Variants in FGFR2 observed in about 807,000 individuals in gnomAD.
The protein encoded by FGFR2 is BEK fibroblast growth factor receptor.
Under a neutral mutation model 95.9 loss-of-function variants are expected in FGFR2, and 19 were observed. That is an observed-to-expected ratio of 0.20 (90% confidence interval 0.14 to 0.29). FGFR2 has a LOEUF of 0.29. Ranked by LOEUF, FGFR2 falls within the 10% of genes least tolerant of loss-of-function variation. FGFR2 has a pLI of 1.00. For synonymous variants in FGFR2, 392 were observed against 393.3 expected, an observed-to-expected ratio of 1.00 and a Z score of 0.04; for missense variants, 707 against 1,056.9, an observed-to-expected ratio of 0.67 and a Z score of 4.59.
chr10:121,542,482 C>A, intron 5 of FGFR2, among the ~76,000 whole-genome samples: 1 of 152,160 alleles, frequency 6.6e-6, no homozygotes, highest in South Asian at 2.1e-4. Flanking sequence ...AACACAAAAG[C>A]CAGTGAGAGA....
At chr10:121,503,115 C>T (rs1436467889) in intron 10 of FGFR2, among the ~76,000 whole-genome samples, 1 of 152,232 alleles carries the variant, frequency 6.6e-6, no homozygotes, top group Non-Finnish European at 1.5e-5. Flanking sequence ...GTTGCCCAGC[C>T]ACTGTCTGGC....
At chr10:121,491,207 G>A (rs191867536) in intron 13 of FGFR2, among the ~76,000 whole-genome samples, 1 of 152,282 alleles carries the variant, frequency 6.6e-6, no homozygotes, top group Non-Finnish European at 1.5e-5. Context: ...AGTCTAGCGT[G>A]GCCATCCCTC....
intron 9 of FGFR2, among the ~76,000 whole-genome samples, chr10:121,505,325 G>T (rs1848128674): frequency 6.6e-6 from 1 of 152,196 alleles, no homozygotes; most frequent in African/African-American, 2.4e-5. Context: ...TTAAAATAAA[G>T]AAGTGGGCCA....
intron 13 of FGFR2, among the ~76,000 whole-genome samples, chr10:121,489,309 G>C (rs1425325503): frequency 1.3e-5 from 2 of 151,916 alleles, no homozygotes; most frequent in African/African-American, 4.8e-5. Context: ...CCTGACCTCA[G>C]GTGAGCCATC....
At chr10:121,481,007 T>A (rs1298786993) in intron 17 of FGFR2, among the ~76,000 whole-genome samples, 1 of 152,114 alleles carries the variant, frequency 6.6e-6, no homozygotes, top group African/African-American at 2.4e-5. Context: ...TCAGGATCCA[T>A]AAAATTTTAC....
intron 2 of FGFR2, among the ~76,000 whole-genome samples, chr10:121,574,726 CATCA>C (rs1002234672): frequency 3.9e-5 from 6 of 152,122 alleles, no homozygotes; most frequent in Non-Finnish European, 8.8e-5. Flanking sequence ...AAATTCCTCA[CATCA>C]AACAGAGACC....
chr10:121,557,633 A>G (rs1856339772), intron 4 of FGFR2, among the ~76,000 whole-genome samples: 1 of 152,178 alleles, frequency 6.6e-6, no homozygotes, highest in Non-Finnish European at 1.5e-5. Context: ...TGATGTTTTC[A>G]TTACAAAGGG....
chr10:121,578,528 A>T (rs1860302549), intron 2 of FGFR2, among the ~76,000 whole-genome samples: 1 of 152,264 alleles, frequency 6.6e-6, no homozygotes. Context: ...GAGGGACTGG[A>T]GTAGGGATCA....
Position 121,503,151 on chromosome 10 carries a change from A to G in FGFR2, c.1439+639T>C, listed in dbSNP as rs370552997. Among the ~76,000 whole-genome samples, 39 of 152,310 alleles carry G rather than the reference A, an allele frequency of 2.6e-4. No individual in the cohort carries two copies. In the East Asian group the frequency reaches 6.2e-3, roughly 24 times the overall value. On this transcript the variant is annotated intron_variant, in intron 10 of 17. Transcript: ENST00000358487. ...AAAGCCAGGATTCAAATGCAGCCCA[A>G]CGGAGCTCCAGTACGTGGAGTTCAA... is the stretch of plus-strand genomic sequence containing the variant.
intron 2 of FGFR2, 122 bp downstream of exon 2, chr10:121,593,587 G>C: frequency 1.2e-6 from 1 of 867,364 alleles, no homozygotes; most frequent in Non-Finnish European, 1.9e-6. Flanking sequence ...AAGAGACCAC[G>C]ATCTGGTGCT....
chr10:121,506,609 G>A (rs1390840246), intron 9 of FGFR2, among the ~76,000 whole-genome samples: 2 of 152,162 alleles, frequency 1.3e-5, no homozygotes, highest in African/African-American at 4.8e-5. Context: ...GCAGAGGCAT[G>A]GCTGGGCTTC....
At position 121,500,839 on chromosome 10, in the gene FGFR2, C is replaced by A. The variant is rs200522893; in HGVS notation, c.1548G>T (p.Val516=). 1.9e-6 allele frequency: 3 copies of A among 1,614,040 alleles called. No homozygotes were observed. The highest frequency in any genetic ancestry group is 2.5e-6 in the Non-Finnish European group (3 of 1,179,984). The change falls in exon 11 of 18, where the codon GTG becomes GTT. Residue 516 remains valine (V), a synonymous_variant. Coordinates refer to ENST00000358487, the MANE Select transcript of FGFR2 (RefSeq NM_000141.5). ...DKPKEAVTVA[V]KMLKDDATEK... Reference sequence around the variant, plus strand: ...CTCCCCGCTCACCTTTCAACATCTTCACGGCCACGGTGACCGCCTCCTTGG... The same window carrying A: ...CTCCCCGCTCACCTTTCAACATCTTAACGGCCACGGTGACCGCCTCCTTGG...
intron 2 of FGFR2, among the ~76,000 whole-genome samples, chr10:121,575,464 G>GA (rs1290159804): frequency 6.6e-6 from 1 of 152,176 alleles, no homozygotes; most frequent in African/African-American, 2.4e-5. Context: ...TTTCATGAGT[G>GA]AAAAATTCCT....
At chr10:121,540,400 C>T (rs1317120845) in intron 5 of FGFR2, among the ~76,000 whole-genome samples, 2 of 152,104 alleles carry the variant, frequency 1.3e-5, no homozygotes, top group Admixed American at 1.3e-4. Context: ...GCGCGTCTCC[C>T]CTTAAGAGAG....
At chr10:121,562,864 G>C (rs975110637) in intron 4 of FGFR2, among the ~76,000 whole-genome samples, 1 of 152,212 alleles carries the variant, frequency 6.6e-6, no homozygotes, top group Non-Finnish European at 1.5e-5. Flanking sequence ...AACAGGACAG[G>C]CTATGCATGT....
At position 121,584,008 on chromosome 10, in the gene FGFR2, A is replaced by G. The variant is rs555758563; in HGVS notation, c.109+9701T>C. On this transcript the variant is annotated intron_variant, in intron 2 of 17. Coordinates refer to ENST00000358487, the MANE Select transcript of FGFR2 (RefSeq NM_000141.5). ...TCCAACCATGACAGGCACTCAATAA[A>G]TGGTAGCCAGTTATCATCATCACCA... is the stretch of plus-strand genomic sequence containing the variant. Among the ~76,000 whole-genome samples the G allele has an allele frequency of 1.2e-3, 178 of 152,162 alleles. 1 individual carries two copies. The highest frequency in any genetic ancestry group is 4.0e-3 in the African/African-American group (168 of 41,482).
At chr10:121,536,446 T>C (rs1020016060) in intron 6 of FGFR2, among the ~76,000 whole-genome samples, 3 of 152,196 alleles carry the variant, frequency 2.0e-5, no homozygotes, top group African/African-American at 2.4e-5. Flanking sequence ...CTCCCAAATT[T>C]GTGACATAAT....
At chr10:121,543,907 G>A (rs1564959138) in intron 5 of FGFR2, among the ~76,000 whole-genome samples, 1 of 152,172 alleles carries the variant, frequency 6.6e-6, no homozygotes, top group Non-Finnish European at 1.5e-5. Flanking sequence ...TGCTCACAAA[G>A]GTGGCTGCGG....
chr10:121,558,603 G>A (rs1856508828), intron 4 of FGFR2, among the ~76,000 whole-genome samples: 1 of 148,280 alleles, frequency 6.7e-6, no homozygotes, highest in Admixed American at 6.7e-5. Context: ...AATAGATACA[G>A]TTTTTTGTTT....
Sources: gnomAD v4.1 joint callset for allele counts (sites outside exome capture counted in the v4.1 genomes callset) on GRCh38, gnomAD v4.1.1 for gene constraint, MANE v1.5 for transcripts, NCBI Gene and HGNC (gene_info 2026-07-23, HGNC 2026-07-21) for gene names.